MTAP: variants seen among roughly 807,000 people sequenced by gnomAD.
The protein encoded by MTAP is methylthioadenosine phosphorylase, also known as S-methyl-5'-thioadenosine phosphorylase.
MTAP carries 33 observed loss-of-function variants against 33.6 expected under a neutral mutation model. The observed-to-expected ratio is 0.98, with a 90% CI of 0.74 to 1.31. The LOEUF (loss-of-function observed/expected upper bound fraction) is 1.31, where lower values mean the gene tolerates loss of function less well. Among genes scored for constraint, MTAP ranks in the 40% most tolerant of loss-of-function variants. The pLI, the probability that MTAP is intolerant of heterozygous loss-of-function variation, is 0.00. For synonymous variants in MTAP, 148 were observed against 125.7 expected (o/e 1.18, Z -1.19); for missense variants, 367 against 360.0 (o/e 1.02, Z -0.16).
chr9:21,833,672 A>C (rs1825028559), intron 4 of MTAP, among the ~76,000 whole-genome samples: 3 of 152,174 alleles, frequency 2.0e-5, no homozygotes, highest in Admixed American at 2.0e-4. Context: ...TAATTGACTC[A>C]CGATTCTGCA....
At chr9:21,891,558 G>A (rs1818201101) in intron 1 of MTAP, among the ~76,000 whole-genome samples, 1 of 152,082 alleles carries the variant, frequency 6.6e-6, no homozygotes. Context: ...TTGAAGACCA[G>A]TTCTTCAAAT....
chr9:21,821,060 G>T (rs1824623471), intron 4 of MTAP, among the ~76,000 whole-genome samples: 1 of 152,182 alleles, frequency 6.6e-6, no homozygotes, highest in South Asian at 2.1e-4. Flanking sequence ...ATACAGTCAT[G>T]TCATCTGCAA....
chr9:21,872,422 C>T (rs778887530), intron 1 of MTAP, among the ~76,000 whole-genome samples: 1 of 152,128 alleles, frequency 6.6e-6, no homozygotes, highest in Non-Finnish European at 1.5e-5. Context: ...CCTTATCTAC[C>T]TATGTGTCTG....
chr9:21,815,597 A>AAAAT, intron 2 of MTAP, 78 bp downstream of exon 2: 1 of 1,064,282 alleles, frequency 9.4e-7, no homozygotes, highest in Non-Finnish European at 1.4e-6. Flanking sequence ...AATTAAAAAA[A>AAAAT]AAAAAAAGAA....
At chr9:21,877,502 G>C (rs530938658) in intron 1 of MTAP, among the ~76,000 whole-genome samples, 3 of 152,070 alleles carry the variant, frequency 2.0e-5, no homozygotes, top group Admixed American at 6.6e-5. Context: ...ATTTGTCATA[G>C]ACGGCTCTTA....
chr9:21,918,923 C>CTAATAAAATG (rs1818739668), intron 1 of MTAP, among the ~76,000 whole-genome samples: 1 of 152,056 alleles, frequency 6.6e-6, no homozygotes, highest in Admixed American at 6.6e-5. Context: ...TGAGAACAGA[C>CTAATAAAATG]TAATAAAATG....
intron 4 of MTAP, among the ~76,000 whole-genome samples, chr9:21,820,963 G>A (rs1824620746): frequency 6.6e-6 from 1 of 152,152 alleles, no homozygotes; most frequent in African/African-American, 2.4e-5. Context: ...TGTGATTTTT[G>A]CACATTGATT....
chr9:21,911,951 C>G (rs563729833), intron 1 of MTAP, among the ~76,000 whole-genome samples: 7 of 152,290 alleles, frequency 4.6e-5, no homozygotes, highest in Non-Finnish European at 1.0e-4. Flanking sequence ...AAGGGAGTAT[C>G]AAGACCGATC....
intron 2 of MTAP, 106 bp downstream of exon 2, chr9:21,815,625 GC>G: frequency 1.2e-6 from 1 of 832,476 alleles, no homozygotes; most frequent in Non-Finnish European, 1.9e-6. Flanking sequence ...TGTTTTGGCA[GC>G]CCAGGGCTGT....
In MTAP at chr9:21,802,650, C is replaced by T. The variant is rs1824077097; in HGVS notation, c.-99C>T. The stretch of plus-strand genomic sequence containing the variant: ...CCGCCCCTGGTCTCCGCACTGCTCA[C>T]TCCCGCGCAGTGAGGTTGGCACAGC... On this transcript the variant is annotated 5_prime_UTR_variant, in exon 1 of 8. Transcript: ENST00000644715. The T allele has an allele frequency of 2.9e-6, 4 of 1,395,154 alleles. No homozygotes were observed. The highest frequency in any genetic ancestry group is 2.4e-5 in the East Asian group (1 of 41,928). 86.4% of individuals were successfully genotyped at this position (1,395,154 alleles called of 1,614,324 possible). A position where few individuals can be genotyped will look rare whatever the true frequency, so the allele number is the denominator to read the frequency against.
chr9:21,930,073 G>A, intron 1 of MTAP: 1 of 455,198 alleles, frequency 2.2e-6, no homozygotes, highest in Non-Finnish European at 4.4e-6. Context: ...GAAATTTCTA[G>A]TTCCAGCCTG....
intron 1 of MTAP, among the ~76,000 whole-genome samples, chr9:21,898,435 G>A (rs888709024): frequency 1.3e-5 from 2 of 152,172 alleles, no homozygotes; most frequent in Non-Finnish European, 2.9e-5. Flanking sequence ...TACTATCAGA[G>A]TGAACAGGCA....
intron 4 of MTAP, among the ~76,000 whole-genome samples, chr9:21,831,262 G>A (rs1372902883): frequency 1.3e-5 from 2 of 152,094 alleles, no homozygotes; most frequent in Admixed American, 6.5e-5. Context: ...TAGGAAATCA[G>A]TACACCATAT....
At position 21,890,220 on chromosome 9, in the gene MTAP, G is replaced by T. The variant is rs547412471; in HGVS notation, c.147+35350G>T. ...GCATCATATAAGTCACCTGGAAGTG[G>T]GGGAAAGCTGATAGTGACCAGCCTC... On this transcript the variant is annotated intron_variant, in intron 1 of 1. Transcript: ENST00000577563. Among the ~76,000 whole-genome samples the T allele has an allele frequency of 1.2e-4, 19 of 152,190 alleles. 1 individual carries two copies. The South Asian group carries it at 3.9e-3, about 32-fold the overall frequency.
At chr9:21,916,619 T>G (rs1587295588) in intron 1 of MTAP, among the ~76,000 whole-genome samples, 2 of 151,670 alleles carry the variant, frequency 1.3e-5, no homozygotes. Context: ...AAAAAAGGAA[T>G]GAGACATCTG....
intron 1 of MTAP, among the ~76,000 whole-genome samples, chr9:21,810,074 C>T (rs1824307443): frequency 6.6e-6 from 1 of 152,212 alleles, no homozygotes; most frequent in Non-Finnish European, 1.5e-5. Flanking sequence ...TATAGAGTCA[C>T]TGTATTAGTT....
intron 4 of MTAP, among the ~76,000 whole-genome samples, chr9:21,822,639 G>A (rs1375624317): frequency 2.0e-5 from 3 of 152,102 alleles, no homozygotes; most frequent in Non-Finnish European, 2.9e-5. Flanking sequence ...GTAGATGTCT[G>A]TTAGGTCCGC....
intron 4 of MTAP, among the ~76,000 whole-genome samples, chr9:21,828,017 G>T (rs1044726021): frequency 6.6e-5 from 10 of 152,170 alleles, no homozygotes; most frequent in Admixed American, 5.9e-4. Flanking sequence ...GCATTTCCCA[G>T]ATCTTTTACT....
intron 1 of MTAP, among the ~76,000 whole-genome samples, chr9:21,880,295 A>G (rs1817984602): frequency 6.6e-6 from 1 of 152,094 alleles, no homozygotes; most frequent in East Asian, 1.9e-4. Context: ...TGCCAGTGCC[A>G]TACTCTTGGA....
Sources: allele counts gnomAD v4.1 joint callset (sites outside exome capture counted in the v4.1 genomes callset), GRCh38; gene constraint gnomAD v4.1.1; transcripts MANE v1.5; gene names NCBI Gene and HGNC (gene_info 2026-07-23, HGNC 2026-07-21).